Variants in PIP5K1C observed in about 807,000 individuals in gnomAD.
The protein encoded by PIP5K1C is phosphatidylinositol 4-phosphate 5-kinase type-1 gamma.
Under a neutral mutation model 80.1 loss-of-function variants are expected in PIP5K1C, and 45 were observed. That is an observed-to-expected ratio of 0.56 (90% CI 0.44 to 0.72). The LOEUF is 0.72. Among genes scored for constraint, PIP5K1C ranks in the 30% least tolerant of loss-of-function variants. The pLI is 0.00. For synonymous variants in PIP5K1C, 498 were observed against 420.1 expected (o/e 1.19, Z -2.27); for missense variants, 753 against 954.6 (o/e 0.79, Z 2.78).
chr19:3,684,599 G>C (rs532761245), intron 1 of PIP5K1C, among the ~76,000 whole-genome samples: 16 of 152,230 alleles, frequency 1.1e-4, no homozygotes, highest in Non-Finnish European at 1.6e-4. Flanking sequence ...CAGCAGAACC[G>C]ACCTGCTGAG....
chr19:3,643,120 ATCCACCGTACATACGATGC>A (rs1483431943), intron 13 of PIP5K1C, 104 bp downstream of exon 13: 1 of 1,479,812 alleles, frequency 6.8e-7, no homozygotes, highest in African/African-American at 1.4e-5. Context: ...GTGTATGTAC[ATCCACCGTACATACGATGC>A]TCCACCCACA....
At chr19:3,698,652 T>C (rs2036199293) in intron 1 of PIP5K1C, among the ~76,000 whole-genome samples, 1 of 151,860 alleles carries the variant, frequency 6.6e-6, no homozygotes, top group Non-Finnish European at 1.5e-5. Context: ...CCTAATTTCC[T>C]GACTCAAAAT....
At position 3,634,328 on chromosome 19, in the gene PIP5K1C, AG is replaced by A. The variant is rs376292769; in HGVS notation, c.1921-809del. Among the ~76,000 whole-genome samples, 68 of 143,636 alleles carry A rather than the reference AG, an allele frequency of 4.7e-4. No homozygotes were observed. The East Asian group carries it at 0.013, about 27-fold the overall frequency. 94.2% of individuals were successfully genotyped at this position (143,636 alleles called of 152,430 possible). On this transcript the variant is annotated intron_variant, in intron 16 of 17. Transcript: ENST00000335312. ...AGCTCCCCCTGCTTCTCCTGCCCCT[AG>A]GCTGCTCTGCTTTCTCAGGGCTCCA...
chr19:3,680,827 C>A (rs2035568298), intron 1 of PIP5K1C, among the ~76,000 whole-genome samples: 1 of 152,124 alleles, frequency 6.6e-6, no homozygotes, highest in Admixed American at 6.5e-5. Context: ...GAGGGAGTGA[C>A]CGAAATGGAG....
At chr19:3,674,226 C>T (rs2035292889) in intron 1 of PIP5K1C, 1 of 152,272 alleles carries the variant, frequency 6.6e-6, no homozygotes. Context: ...CAGGTATGAC[C>T]TACAGAAGAA....
intron 1 of PIP5K1C, among the ~76,000 whole-genome samples, chr19:3,679,063 T>C (rs1007044911): frequency 6.6e-6 from 1 of 151,926 alleles, no homozygotes; most frequent in African/African-American, 2.4e-5. Flanking sequence ...AGGCGGTAAG[T>C]CGTGGGTCTA....
chr19:3,661,837 G>A (rs759427980), intron 4 of PIP5K1C, 34 bp downstream of exon 4: 11 of 1,607,920 alleles, frequency 6.8e-6, no homozygotes, highest in Admixed American at 1.7e-5. Flanking sequence ...CGTGTGTGCT[G>A]GGTGAGCCCT....
At chr19:3,655,157 G>A (rs1283059564) in intron 6 of PIP5K1C, among the ~76,000 whole-genome samples, 7 of 142,222 alleles carry the variant, frequency 4.9e-5, no homozygotes, top group South Asian at 2.2e-4. Context: ...GGTGGCTCAC[G>A]CCTATAATTC....
rs2145375195 is a variant in PIP5K1C at position 3,637,718 on chromosome 19, G to A, written c.1920+1166C>T. ...GTGGGAGAGGCGGAGGGAGGTGGCG[G>A]GGAGCAGGTGGGGACAGCTGACTGC... is the stretch of plus-strand genomic sequence containing the variant. On this transcript the variant is annotated intron_variant, in intron 16 of 17. Transcript: ENST00000335312. The surrounding 1 kb of genome is among the most constrained non-coding windows in gnomAD (Gnocchi z 7.0). The A allele has an allele frequency of 6.6e-7, 1 of 1,514,226 alleles. No individual in the cohort carries two copies. Among genetic ancestry groups the A allele is most frequent in the South Asian group, 1.2e-5 (1 of 80,678 alleles). 93.8% of individuals were successfully genotyped at this position (1,514,226 alleles called of 1,614,324 possible). A position where few individuals can be genotyped will look rare whatever the true frequency, so the allele number is the denominator to read the frequency against.
chr19:3,648,313 C>T lies in PIP5K1C; in HGVS notation c.1211+312G>A, dbSNP rs535648371. On this transcript the variant is annotated intron_variant, in intron 9 of 17. Coordinates refer to ENST00000335312, the MANE Select transcript of PIP5K1C (RefSeq NM_012398.3). This position sits in a 1 kb window ranked among gnomAD's most constrained non-coding sequence, Gnocchi z 4.3. ...GCTAGATTACAGGTGTGGACCACTACGCCCAACTCACTCTAGATTTTCAAG... is the reference window on the plus strand; with the variant it reads ...GCTAGATTACAGGTGTGGACCACTATGCCCAACTCACTCTAGATTTTCAAG... 1.1e-4 allele frequency among the ~76,000 whole-genome samples: 17 copies of T among 152,324 alleles called. No homozygotes were observed. In the South Asian group the frequency reaches 1.7e-3, roughly 15 times the overall value.
Position 3,656,407 on chromosome 19 carries a change from T to G in PIP5K1C, c.619A>C (p.Met207Leu), listed in dbSNP as rs772193928. 1 of 1,613,272 alleles carries G rather than the reference T, an allele frequency of 6.2e-7. No individual in the cohort carries two copies. The highest frequency in any genetic ancestry group is 1.1e-5 in the South Asian group (1 of 91,074). Residue 207 changes from methionine to leucine, a missense_variant and splice_region_variant, in exon 6 of 18, where the codon ATG becomes CTG. By Grantham distance (15) the Met-to-Leu change is conservative. Coordinates refer to ENST00000335312, the MANE Select transcript of PIP5K1C (RefSeq NM_012398.3). ...FLQKLLPGYYMNLNQNPRTLL... is the reference protein window; with the variant it reads ...FLQKLLPGYYLNLNQNPRTLL... Reference sequence around the variant, plus strand: ...GCCCCGCAGGGCGGGCCACGCACCATGTAGTAGCCAGGGAGCAGCTTCTGC... The same window carrying G: ...GCCCCGCAGGGCGGGCCACGCACCAGGTAGTAGCCAGGGAGCAGCTTCTGC...
chr19:3,633,844 TTCC>T (rs911336780), intron 16 of PIP5K1C, among the ~76,000 whole-genome samples: 11 of 151,538 alleles, frequency 7.3e-5, no homozygotes, highest in East Asian at 5.8e-4. Context: ...GCACCGAGTG[TTCC>T]TCCTCCTCCT....
chr19:3,653,727 C>A, intron 6 of PIP5K1C, 138 bp from the exon 7 acceptor site: 1 of 779,330 alleles, frequency 1.3e-6, no homozygotes, highest in African/African-American at 1.8e-5. Flanking sequence ...CCTCGGGGAC[C>A]CCGTTCCTAT....
rs993233915 is a variant in PIP5K1C, at chr19:3,679,799, G to A, written c.95-12446C>T. Among the ~76,000 whole-genome samples the A allele has an allele frequency of 5.3e-4, 80 of 152,244 alleles. 1 individual carries two copies. Among genetic ancestry groups the A allele is most frequent in the African/African-American group, 1.9e-3 (79 of 41,466 alleles). On this transcript the variant is annotated intron_variant, in intron 1 of 17. Coordinates refer to ENST00000335312, the MANE Select transcript of PIP5K1C (RefSeq NM_012398.3). ...GACCTGCAGGGTTGGAGGGGCCCAAGGGGCGCCCTGGATGTGGCTTGACGT... is the reference window on the plus strand; with the variant it reads ...GACCTGCAGGGTTGGAGGGGCCCAAAGGGCGCCCTGGATGTGGCTTGACGT...
chr19:3,637,624 C>T lies in PIP5K1C; in HGVS notation c.1920+1260G>A, dbSNP rs750313818. 30 of 331,708 alleles carry T rather than the reference C, an allele frequency of 9.0e-5. No homozygotes were observed. The highest frequency in any genetic ancestry group is 5.6e-4 in the Admixed American group (15 of 26,872). 20.5% of individuals were successfully genotyped at this position (331,708 alleles called of 1,614,324 possible). ...CCTCCCATCCGTGAACTGGACGGGG[C>T]GGGCCGGGTGGGCCGGAGGAGGAAG... On this transcript the variant is annotated intron_variant, in intron 16 of 17. Coordinates refer to ENST00000335312, the MANE Select transcript of PIP5K1C (RefSeq NM_012398.3). This position sits in a 1 kb window ranked among gnomAD's most constrained non-coding sequence, Gnocchi z 7.0.
At chr19:3,684,728 G>C (rs752829549) in intron 1 of PIP5K1C, among the ~76,000 whole-genome samples, 33 of 152,236 alleles carry the variant, frequency 2.2e-4, no homozygotes, top group Admixed American at 2.6e-4. Flanking sequence ...CGCACCCAGA[G>C]CGGGACCACC....
intron 1 of PIP5K1C, among the ~76,000 whole-genome samples, chr19:3,685,571 A>G: frequency 6.6e-6 from 1 of 152,078 alleles, no homozygotes; most frequent in Non-Finnish European, 1.5e-5. Context: ...TCTACTAAAA[A>G]TACAAAAAAT....
At position 3,688,820 on chromosome 19, in the gene PIP5K1C, G is replaced by A. The variant is rs769166167; in HGVS notation, c.94+11477C>T. On this transcript the variant is annotated intron_variant, in intron 1 of 17. Transcript: ENST00000335312. This position sits in a 1 kb window ranked among gnomAD's most constrained non-coding sequence, Gnocchi z 5.3. ...CCGGGGGAGGGGGACCCACACCCAC[G>A]TCGCCATGGCCCCCCACCCCGTTTT... Among the ~76,000 whole-genome samples, 2 of 152,082 alleles carry A rather than the reference G, an allele frequency of 1.3e-5. No individual in the cohort carries two copies. The highest frequency in any genetic ancestry group is 2.9e-5 in the Non-Finnish European group (2 of 68,006).
chr19:3,698,055 G>A (rs1464642026), intron 1 of PIP5K1C, among the ~76,000 whole-genome samples: 1 of 152,362 alleles, frequency 6.6e-6, no homozygotes, highest in African/African-American at 2.4e-5. Context: ...CGTGGGAAAC[G>A]GGCAGCCTCC....
Sources: gnomAD v4.1 joint callset for allele counts (sites outside exome capture counted in the v4.1 genomes callset) on GRCh38, gnomAD v4.1.1 for gene constraint, Gnocchi (gnomAD v3.1) non-coding constraint, MANE v1.5 for transcripts, NCBI Gene and HGNC (gene_info 2026-07-23, HGNC 2026-07-21) for gene names.